DGLUCY: variants seen among roughly 807,000 people sequenced by gnomAD.
The protein encoded by DGLUCY is D-glutamate cyclase, also known as D-glutamate cyclase, mitochondrial.
DGLUCY carries 58 observed loss-of-function variants against 58.5 expected under a neutral mutation model. The ratio of observed to expected loss-of-function variants is 0.99; its 90% CI spans 0.80 to 1.23. The LOEUF is 1.23. Ranked by LOEUF, DGLUCY falls within the 50% of genes most tolerant of loss-of-function variation. The probability of loss-of-function intolerance (pLI) is 0.00; values close to 1 mark genes in which losing one functional copy is unlikely to be tolerated. For missense variants in DGLUCY, 779 were observed against 784.7 expected (o/e 0.99, Z 0.09); for synonymous variants, 325 against 314.1 (o/e 1.03, Z -0.37).
intron 1 of DGLUCY, among the ~76,000 whole-genome samples, chr14:91,124,420 T>A (rs897062592): frequency 1.3e-5 from 2 of 152,212 alleles, no homozygotes; most frequent in African/African-American, 4.8e-5. Context: ...TCAGCAGGAC[T>A]TCAGGCTGGA....
At position 91,196,299 on chromosome 14, in the gene DGLUCY, CT is replaced by C. The variant is rs1374198956; in HGVS notation, c.1196-72del. 9 of 1,204,970 alleles carry C rather than the reference CT, an allele frequency of 7.5e-6. No homozygotes were observed. In the East Asian group the frequency reaches 1.9e-4, roughly 25 times the overall value. 74.6% of individuals were successfully genotyped at this position (1,204,970 alleles called of 1,614,324 possible). A position where few individuals can be genotyped will look rare whatever the true frequency, so the allele number is the denominator to read the frequency against. On this transcript the variant is annotated intron_variant, in intron 9 of 13. Coordinates refer to ENST00000256324, the MANE Select transcript of DGLUCY (RefSeq NM_001102368.3). ...ACAGTAATGATACCCTTCAAAGAAG[CT>C]TTTGAAAAGCCAACGTGAATTTCCA...
At chr14:91,142,664 A>G (rs1460072367) in intron 1 of DGLUCY, among the ~76,000 whole-genome samples, 1 of 152,014 alleles carries the variant, frequency 6.6e-6, no homozygotes, top group Non-Finnish European at 1.5e-5. Context: ...GTAACACTCA[A>G]AAGTCTAATC....
At position 91,074,104 on chromosome 14, in the gene DGLUCY, A is replaced by AAT. The variant is rs1175322033; in HGVS notation, c.-82+13414_-82+13415dup. Among the ~76,000 whole-genome samples, 157 of 96,070 alleles carry AAT rather than the reference A, an allele frequency of 1.6e-3. 2 individuals are homozygous for AAT. The highest frequency in any genetic ancestry group is 5.4e-3 in the African/African-American group (124 of 23,040). 63.0% of individuals were successfully genotyped at this position (96,070 alleles called of 152,430 possible). A position where few individuals can be genotyped will look rare whatever the true frequency, so the allele number is the denominator to read the frequency against. On this transcript the variant is annotated intron_variant, in intron 1 of 4. Transcript: ENST00000521334. The stretch of plus-strand genomic sequence containing the variant: ...GACCTCATCTCTACCAAAAAAAAAA[A>AAT]ATATATATATATATACACACACACA...
At position 91,224,948 on chromosome 14, in the gene DGLUCY, C is replaced by G. The variant is rs776200741; in HGVS notation, c.*115C>G. Reference sequence around the variant, plus strand: ...GTAAACACTGGTCTTCGGTGAGCAACGAACACTCGCCTGGCCTGGGAAACT... The same window carrying G: ...GTAAACACTGGTCTTCGGTGAGCAAGGAACACTCGCCTGGCCTGGGAAACT... On this transcript the variant is annotated 3_prime_UTR_variant, in exon 14 of 14. Transcript: ENST00000256324. The G allele has an allele frequency of 8.1e-7, 1 of 1,232,282 alleles. No individual in the cohort carries two copies. Among genetic ancestry groups the G allele is most frequent in the Non-Finnish European group, 1.1e-6 (1 of 920,050 alleles). The allele number at this position is 1,232,282 out of a possible 1,614,324, so 76.3% of individuals were successfully genotyped here. A position where few individuals can be genotyped will look rare whatever the true frequency, so the allele number is the denominator to read the frequency against.
At chr14:91,223,657 T>A (rs563446823) in intron 13 of DGLUCY, 331 of 253,186 alleles carry the variant, frequency 1.3e-3, no homozygotes, top group Non-Finnish European at 2.1e-3. Flanking sequence ...ATCAAACCAC[T>A]TTTTTTTTTT....
At chr14:91,102,968 G>T (rs2044519259) in intron 1 of DGLUCY, among the ~76,000 whole-genome samples, 1 of 151,902 alleles carries the variant, frequency 6.6e-6, no homozygotes, top group African/African-American at 2.4e-5. Context: ...CACCATGTTG[G>T]CAAGGCTGGT....
intron 1 of DGLUCY, among the ~76,000 whole-genome samples, 158 bp from the exon 2 acceptor site, chr14:91,157,481 G>A (rs2047728304): frequency 6.6e-6 from 1 of 152,134 alleles, no homozygotes; most frequent in Non-Finnish European, 1.5e-5. Context: ...TTGTGTGTGG[G>A]ACTATAGTGA....
chr14:91,092,733 C>T (rs1173432653), intron 1 of DGLUCY, among the ~76,000 whole-genome samples: 1 of 152,158 alleles, frequency 6.6e-6, no homozygotes, highest in Non-Finnish European at 1.5e-5. Context: ...CAACATAATC[C>T]TTGCAAGTAC....
chr14:91,215,524 G>T lies in DGLUCY; in HGVS notation c.1684G>T (p.Ala562Ser), dbSNP rs764679160. The T allele has an allele frequency of 1.6e-5, 26 of 1,613,856 alleles. No homozygotes were observed. The highest frequency in any genetic ancestry group is 2.0e-5 in the Non-Finnish European group (24 of 1,179,840). ...ACCCTCCAGGGCACCTGGAGATCAG[G>T]CCTGGACTCAGGCCCTCCCGTCGGT... ...VGPSRAPGDQ[A>S]WTQALPSVIK... The change falls in exon 13 of 14, where the codon GCC becomes TCC. Residue 562 changes from alanine to serine, a missense_variant. Transcript: ENST00000256324.
intron 13 of DGLUCY, among the ~76,000 whole-genome samples, chr14:91,216,831 A>G (rs914518562): frequency 3.9e-5 from 6 of 152,208 alleles, no homozygotes; most frequent in Admixed American, 2.0e-4. Context: ...TCTGTAGCCC[A>G]GTGCAGAGGA....
In DGLUCY at chr14:91,173,309, C is replaced by G; in HGVS notation, c.477C>G (p.Thr159=). ...GTCAGACAACAGTGCCTTGTGTTACCCATGCTGGCTTCTGCTGCCCTCTGG... is the reference window on the plus strand; with the variant it reads ...GTCAGACAACAGTGCCTTGTGTTACGCATGCTGGCTTCTGCTGCCCTCTGG... ...GAYKTTVPCV[T]HAGFCCPLVV... is the part of the protein sequence containing the mutation. Residue 159 remains threonine (T), a synonymous_variant, in exon 6 of 14, where the codon ACC becomes ACG. Transcript: ENST00000256324. 1 of 1,613,260 alleles carries G rather than the reference C, an allele frequency of 6.2e-7. No homozygotes were observed. The highest frequency in any genetic ancestry group is 8.5e-7 in the Non-Finnish European group (1 of 1,179,784).
At chr14:91,113,686 G>C (rs2044751407), upstream of DGLUCY, among the ~76,000 whole-genome samples, 1 of 152,182 alleles carries the variant, frequency 6.6e-6, no homozygotes, top group Non-Finnish European at 1.5e-5. Context: ...TAGAAATGCA[G>C]AATCTCTGCC....
intron 1 of DGLUCY, among the ~76,000 whole-genome samples, chr14:91,136,414 G>A (rs1357140185): frequency 6.6e-6 from 1 of 152,130 alleles, no homozygotes; most frequent in Non-Finnish European, 1.5e-5. Flanking sequence ...CAGGCGCTAT[G>A]GCTCACACCT....
chr14:91,120,244 A>G (rs946656017), intron 1 of DGLUCY, among the ~76,000 whole-genome samples: 19 of 152,090 alleles, frequency 1.2e-4, no homozygotes, highest in Admixed American at 3.3e-4. Context: ...CTGGTGCTGA[A>G]TGTCCACCCT....
chr14:91,090,502 C>G (rs911466110), intron 1 of DGLUCY, among the ~76,000 whole-genome samples: 1 of 152,114 alleles, frequency 6.6e-6, no homozygotes, highest in Non-Finnish European at 1.5e-5. Flanking sequence ...CTGAAAACAA[C>G]AGGGAGTTCC....
chr14:91,161,708 A>G (rs547467604), intron 3 of DGLUCY, among the ~76,000 whole-genome samples: 109 of 152,234 alleles, frequency 7.2e-4, no homozygotes, highest in African/African-American at 2.2e-3. Context: ...AGCAAATCAC[A>G]GGGCCAAGGC....
At chr14:91,089,608 G>A (rs191251683) in intron 1 of DGLUCY, among the ~76,000 whole-genome samples, 4 of 152,286 alleles carry the variant, frequency 2.6e-5, no homozygotes, top group African/African-American at 9.6e-5. Flanking sequence ...GAACACTTGA[G>A]ATCAGGAGTT....
At chr14:91,196,327 AAGCCAACACTAG>A in intron 9 of DGLUCY, 36 bp from the exon 10 acceptor site, 1 of 1,540,810 alleles carries the variant, frequency 6.5e-7, no homozygotes, top group Non-Finnish European at 8.9e-7. Flanking sequence ...GAATTTCCAA[AAGCCAACACTAG>A]AGCTGATGTG....
chr14:91,126,734 CAATT>C (rs2045708473), intron 1 of DGLUCY, among the ~76,000 whole-genome samples: 5 of 152,152 alleles, frequency 3.3e-5, no homozygotes, highest in Non-Finnish European at 5.9e-5. Context: ...AGGGTCCACT[CAATT>C]AATCCATAAT....
Sources: gnomAD v4.1 joint callset for allele counts (sites outside exome capture counted in the v4.1 genomes callset) on GRCh38, gnomAD v4.1.1 for gene constraint, MANE v1.5 for transcripts, NCBI Gene and HGNC (gene_info 2026-07-23, HGNC 2026-07-21) for gene names.